Variants in CNTNAP2 observed in about 807,000 individuals in gnomAD.
CNTNAP2 encodes the protein contactin-associated protein-like 2.
In CNTNAP2, 98 loss-of-function variants were observed where a neutral mutation model predicts 155.2. The ratio of observed to expected loss-of-function variants is 0.63; its 90% CI spans 0.54 to 0.75. The LOEUF (loss-of-function observed/expected upper bound fraction) is 0.75. CNTNAP2 is among the 30% of genes least tolerant of loss of function. The probability of loss-of-function intolerance (pLI) is 0.00; values close to 1 mark genes in which losing one functional copy is unlikely to be tolerated. For missense variants in CNTNAP2, 1,727 were observed against 1,688.1 expected (o/e 1.02, Z -0.40); for synonymous variants, 651 against 631.2 (o/e 1.03, Z -0.47).
chr7:148,203,072 G>C (rs932621687), intron 18 of CNTNAP2, among the ~76,000 whole-genome samples: 1 of 152,236 alleles, frequency 6.6e-6, no homozygotes, highest in Admixed American at 6.5e-5. Flanking sequence ...TCCTTGAGGT[G>C]AATCTTTGCT....
At chr7:147,894,808 A>G (rs1260165675) in intron 13 of CNTNAP2, among the ~76,000 whole-genome samples, 1 of 152,012 alleles carries the variant, frequency 6.6e-6, no homozygotes, top group East Asian at 1.9e-4. Flanking sequence ...GAAGTTCCGA[A>G]GAACACATTT....
chr7:146,341,812 G>T (rs1794734336), intron 1 of CNTNAP2, among the ~76,000 whole-genome samples: 1 of 152,096 alleles, frequency 6.6e-6, no homozygotes, highest in Admixed American at 6.6e-5. Context: ...GTGCTTTGTA[G>T]TTTAAAAAGT....
intron 1 of CNTNAP2, among the ~76,000 whole-genome samples, chr7:146,598,238 T>C (rs1312991869): frequency 1.3e-5 from 2 of 152,126 alleles, no homozygotes; most frequent in East Asian, 1.9e-4. Flanking sequence ...AATTGTCTCT[T>C]CTTTTTTCTG....
intron 8 of CNTNAP2, among the ~76,000 whole-genome samples, chr7:147,227,399 A>C (rs1803572280): frequency 6.6e-6 from 1 of 152,186 alleles, no homozygotes; most frequent in South Asian, 2.1e-4. Context: ...AAGAAGTGAA[A>C]TGATCTGACT....
chr7:147,225,913 AGGAAG>A (rs1803527836), intron 8 of CNTNAP2, among the ~76,000 whole-genome samples: 2 of 129,368 alleles, frequency 1.5e-5, no homozygotes, highest in African/African-American at 5.7e-5. Context: ...GAAAGAAGGA[AGGAAG>A]GAAAGAAGGA....
intron 1 of CNTNAP2, among the ~76,000 whole-genome samples, chr7:146,373,467 A>C (rs1795265069): frequency 6.6e-6 from 1 of 152,120 alleles, no homozygotes; most frequent in East Asian, 1.9e-4. Flanking sequence ...AAGGAAGCAA[A>C]GTGAGAGAAG....
intron 7 of CNTNAP2, among the ~76,000 whole-genome samples, chr7:147,129,957 G>A (rs1048881372): frequency 1.3e-5 from 2 of 152,088 alleles, no homozygotes; most frequent in African/African-American, 4.8e-5. Flanking sequence ...ATAGGCAACA[G>A]GTATTGTGCT....
At chr7:147,842,029 ATTGT>A (rs1268613057) in intron 13 of CNTNAP2, among the ~76,000 whole-genome samples, 22 of 152,318 alleles carry the variant, frequency 1.4e-4, no homozygotes, top group Admixed American at 1.1e-3. Context: ...GTTGCCATTA[ATTGT>A]TTATTATCAT....
At chr7:146,202,306 T>C (rs1448775643) in intron 1 of CNTNAP2, among the ~76,000 whole-genome samples, 1 of 152,160 alleles carries the variant, frequency 6.6e-6, no homozygotes, top group Non-Finnish European at 1.5e-5. Flanking sequence ...AGCCAAGATA[T>C]TTTTTTAACT....
chr7:147,057,363 C>T (rs1242480666), intron 4 of CNTNAP2, among the ~76,000 whole-genome samples: 1 of 152,128 alleles, frequency 6.6e-6, no homozygotes, highest in Non-Finnish European at 1.5e-5. Flanking sequence ...AATTATGCTG[C>T]TCTTTCTCTT....
At chr7:148,199,820 G>T (rs1056451410) in intron 18 of CNTNAP2, among the ~76,000 whole-genome samples, 1 of 152,146 alleles carries the variant, frequency 6.6e-6, no homozygotes, top group African/African-American at 2.4e-5. Context: ...TGTTATTATA[G>T]AGGCCAAGAA....
rs571942587 is a variant in CNTNAP2 at position 146,301,052 on chromosome 7, A to G, written c.97+184079A>G. Among the ~76,000 whole-genome samples the G allele has an allele frequency of 8.5e-5, 13 of 152,286 alleles. No homozygotes were observed. In the South Asian group the frequency reaches 2.7e-3, roughly 32 times the overall value. On this transcript the variant is annotated intron_variant, in intron 1 of 23. Transcript: ENST00000361727. ...GGCAACAAATACATTAATTCTATATAGAAGTTAAGAGACCATACTTCAGTG... is the reference window on the plus strand; with the variant it reads ...GGCAACAAATACATTAATTCTATATGGAAGTTAAGAGACCATACTTCAGTG...
At chr7:147,191,416 G>A (rs895368923) in intron 8 of CNTNAP2, among the ~76,000 whole-genome samples, 4 of 152,240 alleles carry the variant, frequency 2.6e-5, no homozygotes, top group Non-Finnish European at 4.4e-5. Flanking sequence ...GTGTAAAAAC[G>A]CAAAGTTCAT....
intron 4 of CNTNAP2, among the ~76,000 whole-genome samples, chr7:147,079,598 A>G (rs1374436598): frequency 6.7e-6 from 1 of 149,296 alleles, no homozygotes; most frequent in Admixed American, 6.7e-5. Context: ...GTATAATAAT[A>G]ATAATAATGA....
intron 15 of CNTNAP2, among the ~76,000 whole-genome samples, chr7:147,981,819 T>TGG (rs1404450002): frequency 1.7e-4 from 19 of 113,744 alleles, no homozygotes; most frequent in Non-Finnish European, 3.6e-4. Flanking sequence ...GTGTGTGTGG[T>TGG]TTTTTTTTTC....
intron 1 of CNTNAP2, among the ~76,000 whole-genome samples, chr7:146,503,222 T>G (rs1489605542): frequency 6.6e-6 from 1 of 152,196 alleles, no homozygotes; most frequent in Non-Finnish European, 1.5e-5. Flanking sequence ...TTTTGTTTGT[T>G]TCTTTTTGCT....
chr7:148,061,521 T>C (rs183094684), intron 15 of CNTNAP2, among the ~76,000 whole-genome samples: 1 of 152,068 alleles, frequency 6.6e-6, no homozygotes, highest in East Asian at 1.9e-4. Context: ...GCCTGGCTAA[T>C]TTTTTGTATT....
chr7:146,347,665 A>G (rs1794839262), intron 1 of CNTNAP2, among the ~76,000 whole-genome samples: 1 of 152,094 alleles, frequency 6.6e-6, no homozygotes, highest in African/African-American at 2.4e-5. Flanking sequence ...TCCCTGCTTC[A>G]AGCGATTCTC....
chr7:147,536,327 C>T (rs1799537636), intron 11 of CNTNAP2, among the ~76,000 whole-genome samples: 1 of 152,168 alleles, frequency 6.6e-6, no homozygotes, highest in Admixed American at 6.6e-5. Context: ...TGAGTAGGTA[C>T]AGATAAAGTC....
Sources: gnomAD v4.1 joint callset for allele counts (sites outside exome capture counted in the v4.1 genomes callset) on GRCh38, gnomAD v4.1.1 for gene constraint, MANE v1.5 for transcripts, NCBI Gene and HGNC (gene_info 2026-07-23, HGNC 2026-07-21) for gene names.